NTM: variants seen among roughly 807,000 people sequenced by gnomAD.
NTM encodes the protein IgLON family member 2.
Under a neutral mutation model 42.1 loss-of-function variants are expected in NTM, and 13 were observed. That is an observed-to-expected ratio of 0.31 (90% confidence interval 0.20 to 0.49). NTM has a LOEUF of 0.49. Among genes scored for constraint, NTM ranks in the 20% least tolerant of loss-of-function variants. The pLI is 0.99. For missense variants in NTM, 373 were observed against 452.8 expected, an observed-to-expected ratio of 0.82 and a Z score of 1.60; for synonymous variants, 187 against 179.2, an observed-to-expected ratio of 1.04 and a Z score of -0.35.
intron 1 of NTM, among the ~76,000 whole-genome samples, chr11:131,540,251 G>T (rs1035644245): frequency 7.9e-6 from 1 of 126,696 alleles, no homozygotes; most frequent in East Asian, 2.7e-4. Context: ...TGCAACATCC[G>T]CCTCCTCAGT....
Position 132,000,946 on chromosome 11 carries a change from A to T in NTM, c.167+89298A>T, listed in dbSNP as rs533599811. Among the ~76,000 whole-genome samples, 508 of 152,342 alleles carry T rather than the reference A, an allele frequency of 3.3e-3. 1 individual carries two copies. The highest frequency in any genetic ancestry group is 6.8e-3 in the Middle Eastern group (2 of 294). On this transcript the variant is annotated intron_variant, in intron 2 of 8. Transcript: ENST00000683400. ...GGAAAGAATAAGGAAAGGGCATTCC[A>T]GGTAGATAAAGCGAAGTAGGAAATT...
intron 1 of NTM, among the ~76,000 whole-genome samples, chr11:131,676,832 A>G (rs905031545): frequency 1.4e-4 from 21 of 152,358 alleles, no homozygotes; most frequent in Middle Eastern, 3.4e-3. Context: ...TGAATTCCAG[A>G]GACTTAGCCC....
intron 1 of NTM, among the ~76,000 whole-genome samples, chr11:131,532,041 T>C (rs141978053): frequency 0.011 from 1,724 of 152,320 alleles, 32 homozygotes; most frequent in African/African-American, 0.039. Context: ...GGAGTAGTGG[T>C]GTTTGTGGTG....
chr11:131,754,423 G>A (rs1160394666), intron 1 of NTM, among the ~76,000 whole-genome samples: 3 of 152,080 alleles, frequency 2.0e-5, no homozygotes, highest in Admixed American at 1.3e-4. Context: ...TCAGGAGTTC[G>A]AGACCAGCCT....
chr11:132,055,675 G>A (rs879367270), intron 2 of NTM, among the ~76,000 whole-genome samples: 19 of 85,748 alleles, frequency 2.2e-4, no homozygotes, highest in Non-Finnish European at 4.7e-4. Flanking sequence ...GAGAGTGAGA[G>A]AGAGAGACAG....
chr11:131,671,373 G>T, intron 1 of NTM: 1 of 952,776 alleles, frequency 1.0e-6, no homozygotes, highest in Non-Finnish European at 1.2e-6. Context: ...GAAGGCCAGG[G>T]ACACCTGTCT....
intron 2 of NTM, among the ~76,000 whole-genome samples, chr11:132,132,595 G>A (rs1435218161): frequency 6.6e-6 from 1 of 152,170 alleles, no homozygotes; most frequent in East Asian, 1.9e-4. Context: ...CAGAAGGTTT[G>A]TAAACATTAA....
At chr11:132,134,521 T>A (rs1160799905) in intron 2 of NTM, among the ~76,000 whole-genome samples, 3 of 151,494 alleles carry the variant, frequency 2.0e-5, no homozygotes, top group Non-Finnish European at 4.4e-5. Flanking sequence ...TGTATCATTC[T>A]TATGCCTTTG....
intron 1 of NTM, among the ~76,000 whole-genome samples, chr11:131,868,474 G>A (rs568579489): frequency 3.3e-5 from 5 of 152,062 alleles, no homozygotes; most frequent in Non-Finnish European, 7.3e-5. Context: ...TGATTGTGTC[G>A]GGCTCTGTGC....
chr11:131,807,847 A>G (rs2092575780), intron 1 of NTM, among the ~76,000 whole-genome samples: 1 of 152,242 alleles, frequency 6.6e-6, no homozygotes, highest in Non-Finnish European at 1.5e-5. Flanking sequence ...TTGCATAACG[A>G]CTACGACTGG....
At chr11:131,389,024 A>AAAAAAGAAAAGAAAAG (rs774146196) in intron 1 of NTM, among the ~76,000 whole-genome samples, 26,349 of 89,856 alleles carry the variant, frequency 0.29, 4,530 homozygotes, top group Non-Finnish European at 0.35. Context: ...AAAAAAAAAA[A>AAAAAAGAAAAGAAAAG]AAAAGAAAAG....
chr11:131,680,387 C>CTGTGTG (rs377215170), intron 1 of NTM, among the ~76,000 whole-genome samples: 1 of 69,554 alleles, frequency 1.4e-5, no homozygotes, highest in African/African-American at 4.8e-5. Context: ...CTGTGAGTGC[C>CTGTGTG]TGTGTGTGTG....
chr11:131,843,931 C>T (rs1043381300), intron 1 of NTM, among the ~76,000 whole-genome samples: 2 of 151,810 alleles, frequency 1.3e-5, no homozygotes, highest in African/African-American at 4.8e-5. Flanking sequence ...TTCTTTTTTA[C>T]ATGCATTGCA....
At chr11:131,789,481 GAAGAAGAAGA>G (rs2090038563) in intron 1 of NTM, among the ~76,000 whole-genome samples, 1 of 10,286 alleles carries the variant, frequency 9.7e-5, no homozygotes, top group East Asian at 2.2e-3. Context: ...AGAAGAAGAA[GAAGAAGAAGA>G]GGAAAGAAGA....
In NTM at chr11:131,793,115, T is replaced by TA. The variant is rs74988572; in HGVS notation, c.83-118443dup. ...TTAGTATTTCCATGATCGATCTACATAAAAAATAAAACTGCAACACACGAA... is the reference window on the plus strand; with the variant it reads ...TTAGTATTTCCATGATCGATCTACATAAAAAAATAAAACTGCAACACACGAA... On this transcript the variant is annotated intron_variant, in intron 1 of 8. Transcript: ENST00000683400. Among the ~76,000 whole-genome samples, 332 of 152,290 alleles carry TA rather than the reference T, an allele frequency of 2.2e-3. 11 individuals carry two copies. The East Asian group carries it at 0.055, about 25-fold the overall frequency.
At chr11:131,987,435 T>G (rs1278237867) in intron 2 of NTM, among the ~76,000 whole-genome samples, 1 of 151,796 alleles carries the variant, frequency 6.6e-6, no homozygotes, top group East Asian at 1.9e-4. Context: ...TATTCTATTT[T>G]CATTCCAGCC....
intron 1 of NTM, among the ~76,000 whole-genome samples, chr11:131,583,355 G>A (rs1219136455): frequency 2.6e-5 from 4 of 152,238 alleles, no homozygotes; most frequent in East Asian, 1.9e-4. Context: ...TTTAGCTCTT[G>A]TGGCAAATAG....
intron 1 of NTM, among the ~76,000 whole-genome samples, chr11:131,561,586 C>T (rs1052570662): frequency 6.6e-6 from 1 of 152,154 alleles, no homozygotes; most frequent in Non-Finnish European, 1.5e-5. Flanking sequence ...CCCAGAGGAT[C>T]CCCTACAACC....
intron 1 of NTM, among the ~76,000 whole-genome samples, chr11:131,789,760 T>C (rs557861198): frequency 1.5e-4 from 23 of 149,986 alleles, no homozygotes; most frequent in Non-Finnish European, 2.8e-4. Context: ...ATCAAGACCA[T>C]CCTGGCTAAC....
Sources: allele counts gnomAD v4.1 joint callset (sites outside exome capture counted in the v4.1 genomes callset), GRCh38; gene constraint gnomAD v4.1.1; transcripts MANE v1.5; gene names NCBI Gene and HGNC (gene_info 2026-07-23, HGNC 2026-07-21).